Variants in TECR observed in about 807,000 individuals in gnomAD.
TECR encodes very-long-chain enoyl-CoA reductase.
Under a neutral mutation model 50.6 loss-of-function variants are expected in TECR, and 19 were observed. The ratio of observed to expected loss-of-function variants is 0.38; its 90% CI spans 0.26 to 0.55. The LOEUF is 0.55. Among genes scored for constraint, TECR ranks in the 20% least tolerant of loss-of-function variants. The probability of loss-of-function intolerance (pLI) is 0.79; values close to 1 mark genes in which losing one functional copy is unlikely to be tolerated. For synonymous variants in TECR, 168 were observed against 163.5 expected, an observed-to-expected ratio of 1.03 and a Z score of -0.21; for missense variants, 313 against 408.3, an observed-to-expected ratio of 0.77 and a Z score of 2.01.
chr19:14,529,494 G>T (rs1376820373), upstream of TECR: 4 of 712,756 alleles, frequency 5.6e-6, no homozygotes, highest in South Asian at 1.5e-5. Flanking sequence ...GTCTTGGTTC[G>T]GACCGGCCCC....
rs903410516 is a variant in TECR, at chr19:14,559,855, C to A, written c.16-2670C>A. ...AGTATGGAGAGGTCTCCTGCTCCCC[C>A]CAGAGCCTTTCAGTCCTCTCTCTAG... On this transcript the variant is annotated intron_variant, in intron 1 of 12. Transcript: ENST00000215567. Among the ~76,000 whole-genome samples the A allele has an allele frequency of 2.6e-5, 4 of 152,282 alleles. No individual in the cohort carries two copies. The South Asian group carries it at 8.3e-4, about 32-fold the overall frequency.
chr19:14,558,672 C>T (rs1423435327), intron 1 of TECR, among the ~76,000 whole-genome samples: 1 of 152,288 alleles, frequency 6.6e-6, no homozygotes. Flanking sequence ...GTGGTCTCAC[C>T]CCTTGCCCGT....
rs891089 is a variant in TECR at position 14,563,423 on chromosome 19, C to T, written c.118+166C>T. 0.55 allele frequency: 454,226 copies of T among 820,932 alleles called. 129,053 individuals are homozygous for T. Among genetic ancestry groups the T allele is most frequent in the African/African-American group, 0.77 (44,877 of 58,480 alleles). The allele number at this position is 820,932 out of a possible 1,614,324, so 50.9% of individuals were successfully genotyped here. ...GGGCAGGCGCCTCCACGTGGCACTC[C>T]GCAGGAACGCCCTTGCTAGGCTCTG... On this transcript the variant is annotated intron_variant, in intron 3 of 12. Transcript: ENST00000215567. This position sits in a 1 kb window ranked among gnomAD's most constrained non-coding sequence, Gnocchi z 5.3.
chr19:14,529,352 G>GA (rs1218543702), upstream of TECR: 6 of 476,646 alleles, frequency 1.3e-5, no homozygotes, highest in African/African-American at 2.0e-5. Context: ...GTGGCAAAGG[G>GA]ACGCGCGGGG....
At chr19:14,558,867 C>A (rs539552121) in intron 1 of TECR, among the ~76,000 whole-genome samples, 1 of 152,204 alleles carries the variant, frequency 6.6e-6, no homozygotes, top group African/African-American at 2.4e-5. Flanking sequence ...GCCACCTCCC[C>A]GTCTGTGCTC....
At chr19:14,539,475 C>G (rs1161343665) in intron 1 of TECR, among the ~76,000 whole-genome samples, 1 of 152,118 alleles carries the variant, frequency 6.6e-6, no homozygotes, top group Non-Finnish European at 1.5e-5. Context: ...TAGGAGCACA[C>G]TGCTTCTGTT....
chr19:14,542,034 C>T (rs946001056), intron 1 of TECR, among the ~76,000 whole-genome samples: 7 of 152,082 alleles, frequency 4.6e-5, no homozygotes, highest in Non-Finnish European at 1.0e-4. Flanking sequence ...CCGCCCACCT[C>T]GGCCTTCCAG....
chr19:14,535,646 C>T (rs564180631), intron 1 of TECR, among the ~76,000 whole-genome samples: 1 of 121,182 alleles, frequency 8.3e-6, no homozygotes, highest in South Asian at 2.8e-4. Flanking sequence ...CCCAGGTACT[C>T]GAGAGACTGA....
chr19:14,537,293 G>T (rs1408723559), intron 1 of TECR, among the ~76,000 whole-genome samples: 5 of 149,506 alleles, frequency 3.3e-5, no homozygotes, highest in Non-Finnish European at 5.9e-5. Context: ...GGACCAGGGA[G>T]GGGGAGGCGG....
Position 14,563,608 on chromosome 19 carries a change from G to T in TECR, c.119-50G>T, listed in dbSNP as rs377013929. The T allele has an allele frequency of 1.2e-6, 2 of 1,608,862 alleles. No individual in the cohort carries two copies. Among genetic ancestry groups the T allele is most frequent in the Non-Finnish European group, 1.7e-6 (2 of 1,179,170 alleles). On this transcript the variant is annotated intron_variant, in intron 3 of 12. Coordinates refer to ENST00000215567, the MANE Select transcript of TECR (RefSeq NM_138501.6). This position sits in a 1 kb window ranked among gnomAD's most constrained non-coding sequence, Gnocchi z 5.3. ...TGGCACAGTGGCTGGGCAGCGGACC[G>T]GCTGAGCCCTGCCAGGCTGTGGGCT...
chr19:14,533,981 A>G (rs1402134577), intron 1 of TECR: 5 of 152,086 alleles, frequency 3.3e-5, no homozygotes, highest in South Asian at 2.1e-4. Context: ...AACAGCTACT[A>G]CATCTTGTAA....
At chr19:14,545,032 GTC>G in intron 1 of TECR, 1 of 454,468 alleles carries the variant, frequency 2.2e-6, no homozygotes, top group African/African-American at 2.0e-5. Context: ...AAGCACCTGA[GTC>G]TCTGCCCTGA....
chr19:14,534,423 CTTTTTTTTTTT>C (rs756051119), intron 1 of TECR, among the ~76,000 whole-genome samples: 42 of 52,490 alleles, frequency 8.0e-4, no homozygotes, highest in African/African-American at 1.0e-3. Context: ...CATGCCTGGC[CTTTTTTTTTTT>C]TTTTTTTTTT....
chr19:14,528,426 G>A (rs1599391861), upstream of TECR, among the ~76,000 whole-genome samples: 1 of 151,148 alleles, frequency 6.6e-6, no homozygotes, highest in Non-Finnish European at 1.5e-5. Flanking sequence ...TTTTAGTAGC[G>A]ATGAGGTTTC....
At chr19:14,529,468 C>T (rs1265297596), upstream of TECR, 4 of 664,072 alleles carry the variant, frequency 6.0e-6, no homozygotes, top group Non-Finnish European at 5.5e-6. Context: ...TGGTCAATCC[C>T]CTGGTGCTAG....
rs903108244 is a variant in TECR, at chr19:14,545,161, C to T, written c.15+15450C>T. On this transcript the variant is annotated intron_variant, in intron 1 of 12. Transcript: ENST00000215567. ...ACCAAAGCAGCCTGTGGCATTCCAG[C>T]GATTCCTCATTGCTCAAGGGTAAAA... The T allele has an allele frequency of 3.1e-5, 14 of 456,736 alleles. No individual in the cohort carries two copies. The Middle Eastern group carries it at 9.8e-4, about 32-fold the overall frequency. The allele number at this position is 456,736 out of a possible 1,614,324, so 28.3% of individuals were successfully genotyped here.
chr19:14,552,273 A>G (rs534647929), intron 1 of TECR, among the ~76,000 whole-genome samples: 13 of 148,126 alleles, frequency 8.8e-5, no homozygotes, highest in South Asian at 8.7e-4. Context: ...GGCTCAAGCA[A>G]TCCTCCCAGT....
chr19:14,543,960 A>G (rs1280811220), intron 1 of TECR, among the ~76,000 whole-genome samples: 1 of 141,158 alleles, frequency 7.1e-6, no homozygotes, highest in Non-Finnish European at 1.5e-5. Context: ...CAGGTCTCGA[A>G]CTCCTGACCT....
chr19:14,528,485 C>A (rs1247798877), upstream of TECR, among the ~76,000 whole-genome samples: 1 of 151,226 alleles, frequency 6.6e-6, no homozygotes, highest in African/African-American at 2.4e-5. Context: ...TGATCTGCCC[C>A]CCTCGGCCTC....
Sources: allele counts gnomAD v4.1 joint callset (sites outside exome capture counted in the v4.1 genomes callset), GRCh38; gene constraint gnomAD v4.1.1; non-coding constraint Gnocchi (gnomAD v3.1); transcripts MANE v1.5; gene names NCBI Gene and HGNC (gene_info 2026-07-23, HGNC 2026-07-21).